The following POU6F2 variants were observed in gnomAD, a reference collection of about 807,000 sequenced individuals.
POU6F2 encodes POU class 6 homeobox 2, also known as POU domain, class 6, transcription factor 2.
A neutral mutation model predicts 71.3 loss-of-function variants in POU6F2; 31 were observed. The observed-to-expected ratio is 0.43, with a 90% CI of 0.33 to 0.59. The LOEUF (loss-of-function observed/expected upper bound fraction) is 0.59, where lower values mean the gene tolerates loss of function less well. Among genes scored for constraint, POU6F2 ranks in the 20% least tolerant of loss-of-function variants. The pLI is 0.04. For synonymous variants in POU6F2, 347 were observed against 355.7 expected (o/e 0.98, Z 0.27); for missense variants, 783 against 856.8 (o/e 0.91, Z 1.07).
At chr7:39,348,896 A>C (rs1440755416) in intron 5 of POU6F2, among the ~76,000 whole-genome samples, 1 of 152,230 alleles carries the variant, frequency 6.6e-6, no homozygotes, top group African/African-American at 2.4e-5. Context: ...TGCAGTAGAG[A>C]TGTCTAGTTA....
At chr7:39,457,464 C>T (rs143368873) in intron 8 of POU6F2, among the ~76,000 whole-genome samples, 57 of 152,292 alleles carry the variant, frequency 3.7e-4, no homozygotes, top group African/African-American at 1.3e-3. Context: ...ATGCCTGCTC[C>T]GGAGCCCCTC....
intron 2 of POU6F2, among the ~76,000 whole-genome samples, chr7:39,201,150 A>G (rs1190663186): frequency 1.3e-5 from 2 of 152,228 alleles, no homozygotes. Context: ...TTTAATCTTC[A>G]CAACAGCAAT....
chr7:39,317,619 A>G (rs1388756708), intron 4 of POU6F2, among the ~76,000 whole-genome samples: 1 of 152,214 alleles, frequency 6.6e-6, no homozygotes, highest in Non-Finnish European at 1.5e-5. Flanking sequence ...GGCCTTTCTA[A>G]TTATATTCCT....
intron 5 of POU6F2, among the ~76,000 whole-genome samples, chr7:39,398,510 C>T (rs1202555939): frequency 7.9e-6 from 1 of 127,120 alleles, no homozygotes; most frequent in Non-Finnish European, 1.6e-5. Flanking sequence ...CTATTTTGCA[C>T]CAGATTCTAG....
At chr7:39,294,660 G>T (rs989510757) in intron 4 of POU6F2, among the ~76,000 whole-genome samples, 1 of 152,102 alleles carries the variant, frequency 6.6e-6, no homozygotes, top group Non-Finnish European at 1.5e-5. Flanking sequence ...TCCACCAAAT[G>T]CACCCTGATT....
chr7:38,978,671 G>A (rs925263711), intron 1 of POU6F2, among the ~76,000 whole-genome samples: 2 of 152,130 alleles, frequency 1.3e-5, no homozygotes, highest in African/African-American at 4.8e-5. Flanking sequence ...GTCTGCTCGC[G>A]CTTCCTAATG....
At chr7:39,107,622 A>G (rs1175053699) in intron 2 of POU6F2, among the ~76,000 whole-genome samples, 1 of 152,134 alleles carries the variant, frequency 6.6e-6, no homozygotes, top group African/African-American at 2.4e-5. Context: ...TAATAATGGT[A>G]CTATTTACAA....
At position 39,354,581 on chromosome 7, in the gene POU6F2, G is replaced by A. The variant is rs73386417; in HGVS notation, c.972+14566G>A. Among the ~76,000 whole-genome samples, 1,426 of 152,192 alleles carry A rather than the reference G, an allele frequency of 9.4e-3. 15 individuals are homozygous for A. Among genetic ancestry groups the A allele is most frequent in the African/African-American group, 0.032 (1,329 of 41,526 alleles). On this transcript the variant is annotated intron_variant, in intron 5 of 9. Transcript: ENST00000518318. ...CCATGTGTTCAGGGTTGATGTGGAC[G>A]GCGTATAGTATTTTTTAAAGAAAAC...
At chr7:39,069,291 A>C (rs1441493314) in intron 1 of POU6F2, among the ~76,000 whole-genome samples, 1 of 152,194 alleles carries the variant, frequency 6.6e-6, no homozygotes, top group African/African-American at 2.4e-5. Context: ...CTAGGTCAAA[A>C]AGCCCAGAAT....
At chr7:39,259,678 T>C (rs1221812306) in intron 4 of POU6F2, among the ~76,000 whole-genome samples, 4 of 152,108 alleles carry the variant, frequency 2.6e-5, no homozygotes, top group Admixed American at 2.6e-4. Context: ...CACTTGTGTA[T>C]GCACTAAAAC....
chr7:39,345,882 C>T (rs575063177), intron 5 of POU6F2, among the ~76,000 whole-genome samples: 1 of 152,218 alleles, frequency 6.6e-6, no homozygotes, highest in Non-Finnish European at 1.5e-5. Flanking sequence ...GTTGATTAGC[C>T]TAAAGATATA....
At chr7:39,153,763 TC>T (rs1275614571) in intron 2 of POU6F2, among the ~76,000 whole-genome samples, 1 of 152,094 alleles carries the variant, frequency 6.6e-6, no homozygotes. Context: ...AATGTAAAAA[TC>T]AGTACTGTAG....
chr7:39,030,543 T>TATATATATATATATGTATGC (rs1491146903), intron 1 of POU6F2, among the ~76,000 whole-genome samples: 4 of 88,018 alleles, frequency 4.5e-5, no homozygotes. Flanking sequence ...TATATATATA[T>TATATATATATATATGTATGC]ACACACACAT....
At chr7:39,187,493 G>C (rs1281977548) in intron 2 of POU6F2, among the ~76,000 whole-genome samples, 1 of 152,246 alleles carries the variant, frequency 6.6e-6, no homozygotes, top group African/African-American at 2.4e-5. Context: ...GTGGACAAGA[G>C]ACAGGACAGA....
intron 2 of POU6F2, among the ~76,000 whole-genome samples, chr7:39,128,848 A>C (rs1312164497): frequency 6.6e-6 from 1 of 152,202 alleles, no homozygotes; most frequent in Non-Finnish European, 1.5e-5. Flanking sequence ...CTGTAGAGTG[A>C]AGAAAGTACA....
At chr7:39,364,899 TC>T (rs1330702085) in intron 5 of POU6F2, among the ~76,000 whole-genome samples, 1 of 152,224 alleles carries the variant, frequency 6.6e-6, no homozygotes, top group Non-Finnish European at 1.5e-5. Context: ...GTGGAAGTGT[TC>T]CCTGTTAACC....
At chr7:39,041,780 C>G (rs532083015) in intron 1 of POU6F2, among the ~76,000 whole-genome samples, 1 of 152,018 alleles carries the variant, frequency 6.6e-6, no homozygotes, top group South Asian at 2.1e-4. Flanking sequence ...AAAGTCTTCT[C>G]TAATCTAAGA....
intron 5 of POU6F2, among the ~76,000 whole-genome samples, chr7:39,372,198 G>A (rs914100060): frequency 1.3e-5 from 2 of 152,160 alleles, no homozygotes; most frequent in Non-Finnish European, 2.9e-5. Context: ...TAGAATTACA[G>A]GCTTGAGCCA....
At chr7:39,315,878 A>G (rs764686379) in intron 4 of POU6F2, among the ~76,000 whole-genome samples, 1 of 152,244 alleles carries the variant, frequency 6.6e-6, no homozygotes, top group Non-Finnish European at 1.5e-5. Context: ...ATATAGACAA[A>G]AGATCTAAGA....
Sources: gnomAD v4.1 joint callset for allele counts (sites outside exome capture counted in the v4.1 genomes callset) on GRCh38, gnomAD v4.1.1 for gene constraint, MANE v1.5 for transcripts, NCBI Gene and HGNC (gene_info 2026-07-23, HGNC 2026-07-21) for gene names.